Variants in DLC1 observed in about 807,000 individuals in gnomAD.
DLC1 encodes rho GTPase-activating protein 7.
Under a neutral mutation model 140.3 loss-of-function variants are expected in DLC1, and 54 were observed. That is an observed-to-expected ratio of 0.38 (90% CI 0.31 to 0.48). DLC1 has a LOEUF of 0.48. Ranked by LOEUF, DLC1 falls within the 20% of genes least tolerant of loss-of-function variation. The pLI is 0.96. For synonymous variants in DLC1, 986 were observed against 728.1 expected, an observed-to-expected ratio of 1.35 and a Z score of -5.70; for missense variants, 2,536 against 1,907.0, an observed-to-expected ratio of 1.33 and a Z score of -6.14.
At chr8:13,535,422 A>G (rs1356403151) in intron 1 of DLC1, among the ~76,000 whole-genome samples, 1 of 152,190 alleles carries the variant, frequency 6.6e-6, no homozygotes, top group East Asian at 1.9e-4. Context: ...CACGTTAGGT[A>G]CAAATGGAAT....
Position 13,393,674 on chromosome 8 carries a change from T to C in DLC1, c.1193A>G (p.Glu398Gly), listed in dbSNP as rs1246166251. ...RHVPDLESGSESGADTISVNQ... is the reference protein window; with the variant it reads ...RHVPDLESGSGSGADTISVNQ... ...TACTGAAATGGTATCTGCTCCACTT[T>C]CAGATCCTGATTCCAGATCCTATTA... The change falls in exon 4 of 18, where the codon GAA (glutamate) becomes GGA (glycine). Residue 398 changes from glutamate (E) to glycine (G), a missense_variant. By Grantham distance (98) the Glu-to-Gly change is moderately conservative (BLOSUM62 -2). Transcript: ENST00000276297. The C allele has an allele frequency of 6.2e-7, 1 of 1,613,858 alleles. No individual in the cohort carries two copies. The highest frequency in any genetic ancestry group is 2.2e-5 in the East Asian group (1 of 44,870).
At chr8:13,517,880 A>T (rs537745235), upstream of DLC1, among the ~76,000 whole-genome samples, 1 of 152,348 alleles carries the variant, frequency 6.6e-6, no homozygotes, top group Non-Finnish European at 1.5e-5. Context: ...GCTAGTCCAT[A>T]TAAAGCCATT....
chr8:13,310,466 A>G (rs1320786013), intron 4 of DLC1, among the ~76,000 whole-genome samples: 4 of 152,234 alleles, frequency 2.6e-5, no homozygotes, highest in African/African-American at 4.8e-5. Flanking sequence ...TAGAAATTGC[A>G]AGAAAATATC....
At chr8:13,590,250 C>A (rs1454970884) in intron 1 of DLC1, among the ~76,000 whole-genome samples, 1 of 151,896 alleles carries the variant, frequency 6.6e-6, no homozygotes, top group Non-Finnish European at 1.5e-5. Flanking sequence ...TGGTGATTTC[C>A]CACATTATGA....
intron 5 of DLC1, among the ~76,000 whole-genome samples, chr8:13,159,107 G>C (rs1824491922): frequency 6.6e-6 from 1 of 152,144 alleles, no homozygotes; most frequent in Non-Finnish European, 1.5e-5. Flanking sequence ...AAGGTGGAGA[G>C]TGTTTTGTTA....
chr8:13,154,504 C>T (rs1045170464), intron 5 of DLC1, among the ~76,000 whole-genome samples: 6 of 152,194 alleles, frequency 3.9e-5, no homozygotes, highest in East Asian at 3.9e-4. Flanking sequence ...CGGGGCCTGC[C>T]GAGCCCGAGC....
intron 5 of DLC1, among the ~76,000 whole-genome samples, chr8:13,246,621 T>C (rs1829774273): frequency 6.6e-6 from 1 of 152,032 alleles, no homozygotes; most frequent in Non-Finnish European, 1.5e-5. Flanking sequence ...ATCAGGTTCA[T>C]AATAAAGATA....
chr8:13,108,949 GT>G (rs1422865432), intron 7 of DLC1, among the ~76,000 whole-genome samples: 2 of 152,112 alleles, frequency 1.3e-5, no homozygotes, highest in Non-Finnish European at 1.5e-5. Context: ...TTGGAATTAG[GT>G]TTCTTTCAGA....
chr8:13,225,616 A>ATTT (rs869199348), intron 5 of DLC1, among the ~76,000 whole-genome samples: 4 of 139,572 alleles, frequency 2.9e-5, no homozygotes, highest in African/African-American at 5.3e-5. Flanking sequence ...TATTTATTTA[A>ATTT]TTTTTTTTTT....
Position 13,539,739 on chromosome 8 carries a change from AATGTGTGTGT to A in DLC1, c.-125-39553_-125-39544del, listed in dbSNP as rs200318970. ...TGTTCCTGAAGATGAGGCATTAAGA[AATGTGTGTGT>A]ATGTGTGTGTGTGTGTGTGTGTGTG... is the stretch of plus-strand genomic sequence containing the variant. On this transcript the variant is annotated intron_variant, in intron 1 of 1. Transcript: ENST00000631382. Among the ~76,000 whole-genome samples the A allele has an allele frequency of 9.6e-3, 1,236 of 128,512 alleles. 18 individuals carry two copies. Among genetic ancestry groups the A allele is most frequent in the African/African-American group, 0.034 (1,170 of 34,728 alleles). The allele number at this position is 128,512 out of a possible 152,430, so 84.3% of individuals were successfully genotyped here.
chr8:13,154,266 G>T (rs924567248), intron 5 of DLC1, among the ~76,000 whole-genome samples: 5 of 152,260 alleles, frequency 3.3e-5, no homozygotes, highest in African/African-American at 9.6e-5. Flanking sequence ...GCACCCATCA[G>T]GGAGACTCGG....
At chr8:13,248,560 A>G (rs978550989) in intron 5 of DLC1, among the ~76,000 whole-genome samples, 1 of 152,176 alleles carries the variant, frequency 6.6e-6, no homozygotes, top group African/African-American at 2.4e-5. Flanking sequence ...CAACCTTGGC[A>G]GCCTCACCGT....
At chr8:13,562,089 A>T (rs182782584) in intron 1 of DLC1, among the ~76,000 whole-genome samples, 166 of 152,252 alleles carry the variant, frequency 1.1e-3, no homozygotes, top group Non-Finnish European at 2.1e-3. Flanking sequence ...TGGTGGTTAC[A>T]GAACCCATAT....
At chr8:13,441,278 A>G (rs1368090969) in intron 2 of DLC1, among the ~76,000 whole-genome samples, 1 of 152,196 alleles carries the variant, frequency 6.6e-6, no homozygotes, top group African/African-American at 2.4e-5. Flanking sequence ...AACTGGAAGC[A>G]TTCCCTTTGA....
chr8:13,295,273 C>T (rs1163617088), intron 5 of DLC1, among the ~76,000 whole-genome samples: 4 of 152,136 alleles, frequency 2.6e-5, no homozygotes, highest in Admixed American at 2.0e-4. Flanking sequence ...GTCACAGAAA[C>T]GTGGTTGGGA....
At chr8:13,247,359 A>C (rs1038213147) in intron 5 of DLC1, among the ~76,000 whole-genome samples, 1 of 152,244 alleles carries the variant, frequency 6.6e-6, no homozygotes, top group Non-Finnish European at 1.5e-5. Flanking sequence ...TAGAAGACAC[A>C]ATACCTTTCA....
At chr8:13,375,177 G>A (rs1179266926) in intron 4 of DLC1, among the ~76,000 whole-genome samples, 2 of 151,974 alleles carry the variant, frequency 1.3e-5, no homozygotes, top group Admixed American at 6.6e-5. Flanking sequence ...ACAGGCGCCC[G>A]CCACTATGCC....
At chr8:13,189,505 T>C (rs1826619614) in intron 5 of DLC1, among the ~76,000 whole-genome samples, 1 of 152,082 alleles carries the variant, frequency 6.6e-6, no homozygotes, top group Non-Finnish European at 1.5e-5. Context: ...GTGACAATAC[T>C]CAGGCCCTAA....
At chr8:13,569,325 C>G (rs570956249) in intron 1 of DLC1, among the ~76,000 whole-genome samples, 4 of 151,144 alleles carry the variant, frequency 2.6e-5, no homozygotes, top group Non-Finnish European at 5.9e-5. Flanking sequence ...CAGTATTACT[C>G]TTTGCGTTAA....
Sources: gnomAD v4.1 joint callset for allele counts (sites outside exome capture counted in the v4.1 genomes callset) on GRCh38, gnomAD v4.1.1 for gene constraint, MANE v1.5 for transcripts, NCBI Gene and HGNC (gene_info 2026-07-23, HGNC 2026-07-21) for gene names.